The following LAMA5 variants were observed in gnomAD, a reference collection of about 807,000 sequenced individuals.
LAMA5 encodes laminin subunit alpha-5.
Under a neutral mutation model 433.4 loss-of-function variants are expected in LAMA5, and 260 were observed. The observed-to-expected ratio is 0.60, with a 90% CI of 0.54 to 0.66. LAMA5 has a LOEUF of 0.66. LAMA5 is among the 30% of genes least tolerant of loss of function. The probability of loss-of-function intolerance (pLI) is 0.00; values close to 1 mark genes in which losing one functional copy is unlikely to be tolerated. For missense variants in LAMA5, 5,378 were observed against 5,258.5 expected (o/e 1.02, Z -0.70); for synonymous variants, 2,620 against 2,226.6 (o/e 1.18, Z -4.97).
chr20:62,349,214 T>C (rs1449860370), intron 6 of LAMA5, among the ~76,000 whole-genome samples: 1 of 130,590 alleles, frequency 7.7e-6, no homozygotes, highest in Non-Finnish European at 1.5e-5. Flanking sequence ...GAGCTTGCAG[T>C]GAGCCGAGAT....
chr20:62,357,514 C>T lies in LAMA5; in HGVS notation c.451-4263G>A, dbSNP rs924464865. Among the ~76,000 whole-genome samples the T allele has an allele frequency of 3.9e-5, 6 of 152,276 alleles. No individual in the cohort carries two copies. The East Asian group carries it at 7.7e-4, about 20-fold the overall frequency. ...CCCACAGCAGGGGCGGGGCGGCAGC[C>T]GGGAGCATCTCCACTGGCCCCCAGC... On this transcript the variant is annotated intron_variant, in intron 2 of 79. Transcript: ENST00000252999.
intron 1 of LAMA5, among the ~76,000 whole-genome samples, chr20:62,363,173 G>A (rs1260098593): frequency 6.6e-6 from 1 of 152,166 alleles, no homozygotes; most frequent in Non-Finnish European, 1.5e-5. Flanking sequence ...ACAGCCTTCT[G>A]GATTAGGGTC....
At chr20:62,335,841 C>T (rs537271535) in intron 18 of LAMA5, among the ~76,000 whole-genome samples, 153 of 134,012 alleles carry the variant, frequency 1.1e-3, no homozygotes, top group Non-Finnish European at 2.0e-3. Flanking sequence ...CCCTCATGGA[C>T]TCCAGTACCC....
In LAMA5 at chr20:62,325,540, A is replaced by C. The variant is rs1406988298; in HGVS notation, c.5305T>G (p.Phe1769Val). 6.2e-7 allele frequency: 1 copy of C among 1,605,916 alleles called. No homozygotes were observed. Among genetic ancestry groups the C allele is most frequent in the Non-Finnish European group, 8.5e-7 (1 of 1,175,414 alleles). The change falls in exon 41 of 80, where the codon TTC (phenylalanine) becomes GTC (valine). Residue 1769 changes from phenylalanine to valine, a missense_variant. Physicochemically the swap from Phe to Val is conservative, Grantham distance 50. Transcript: ENST00000252999. ...GTGTTGCGCGTCTCCGTATGCCGGA[A>C]GTTCCCCTGTGGGTCCAGGATGGCA... Reference protein sequence around the residue: ...RGQLQLVEGNFRHTETRNTVS... With the variant: ...RGQLQLVEGNVRHTETRNTVS...
Position 62,353,168 on chromosome 20 carries a change from G to A in LAMA5, c.534C>T (p.Phe178=), listed in dbSNP as rs367906041. The A allele has an allele frequency of 7.7e-5, 121 of 1,580,164 alleles. No homozygotes were observed. The highest frequency in any genetic ancestry group is 1.0e-4 in the Non-Finnish European group (116 of 1,163,822). Residue 178 remains phenylalanine (F), a synonymous_variant, in exon 3 of 80, where the codon TTC becomes TTT. Coordinates refer to ENST00000252999, the MANE Select transcript of LAMA5 (RefSeq NM_005560.6). ...DLWVLERSMD[F]GRTYQPWQFF... is the part of the protein sequence containing the mutation. ...ACTGCCAGGGCTGGTAGGTGCGGCC[G>A]AAGTCCATGGACCGCTCCAGCACCC...
intron 2 of LAMA5, among the ~76,000 whole-genome samples, chr20:62,355,715 A>AC (rs1985102729): frequency 6.6e-6 from 1 of 151,728 alleles, no homozygotes; most frequent in Non-Finnish European, 1.5e-5. Context: ...TCAGGGACAG[A>AC]CCCTATACCC....
intron 31 of LAMA5, 43 bp from the exon 32 acceptor site, chr20:62,329,959 G>GC: frequency 6.3e-7 from 1 of 1,597,230 alleles, no homozygotes; most frequent in Non-Finnish European, 8.5e-7. Flanking sequence ...CATCTCTAGC[G>GC]CCCCCAAGAC....
chr20:62,345,944 A>G, intron 10 of LAMA5, 67 bp from the exon 11 acceptor site: 1 of 1,559,582 alleles, frequency 6.4e-7, no homozygotes, highest in Non-Finnish European at 8.7e-7. Context: ...ACCCCCTGCC[A>G]CCCTTGGTCT....
chr20:62,329,415 G>A (rs918984516), intron 32 of LAMA5, among the ~76,000 whole-genome samples, 162 bp from the exon 33 acceptor site: 2 of 152,182 alleles, frequency 1.3e-5, no homozygotes, highest in Admixed American at 1.3e-4. Flanking sequence ...CTCAGGGGAG[G>A]CCACTCCAAG....
chr20:62,323,955 G>T (rs944001610), intron 43 of LAMA5, 99 bp from the exon 44 acceptor site: 9 of 1,432,122 alleles, frequency 6.3e-6, no homozygotes, highest in African/African-American at 5.7e-5. Context: ...GGCGTCGGGG[G>T]CCCAGACCTC....
At chr20:62,319,642 C>T (rs916101458) in intron 51 of LAMA5, 42 bp downstream of exon 51, 3 of 1,433,810 alleles carry the variant, frequency 2.1e-6, no homozygotes, top group Admixed American at 4.0e-5. Context: ...CCAGGCAGCC[C>T]TCCTGGCTCT....
In LAMA5 at chr20:62,346,816, C is replaced by A. The variant is rs749702633; in HGVS notation, c.1073-16G>T. The stretch of plus-strand genomic sequence containing the variant: ...CAGTTACAGGCTAGAGAGAGGGGAG[C>A]GCAGCTGTTGGCACGCCCTCCACAG... On this transcript the variant is annotated splice_polypyrimidine_tract_variant and intron_variant, in intron 7 of 79. Transcript: ENST00000252999. 1.2e-6 allele frequency: 2 copies of A among 1,609,040 alleles called. No homozygotes were observed. The highest frequency in any genetic ancestry group is 2.2e-5 in the South Asian group (2 of 90,924).
At chr20:62,320,467 C>G in intron 50 of LAMA5, 92 bp downstream of exon 50, 1 of 941,278 alleles carries the variant, frequency 1.1e-6, no homozygotes, top group Non-Finnish European at 1.6e-6. Flanking sequence ...ATGTACGAGG[C>G]ATGAAGTAAC....
rs747595601 is a variant in LAMA5 at position 62,311,283 on chromosome 20, C to T, written c.9967G>A (p.Ala3323Thr). The change falls in exon 73 of 80, where the codon GCC becomes ACC. Residue 3323 changes from alanine to threonine, a missense_variant. By Grantham distance (58) the Ala-to-Thr change is moderately conservative. Transcript: ENST00000252999. Reference protein sequence around the residue: ...RKASRRSRQPARHPACMLPPH... With the variant: ...RKASRRSRQPTRHPACMLPPH... ...GGCAGCATGCAGGCAGGATGCCGGG[C>T]GGGCTGACGGCTGCGGCGGGAGGCC... 2.0e-5 allele frequency: 32 copies of T among 1,594,164 alleles called. 1 individual carries two copies. The highest frequency in any genetic ancestry group is 1.3e-4 in the East Asian group (6 of 44,688).
At chr20:62,366,512 G>A (rs1601446073) in intron 1 of LAMA5, among the ~76,000 whole-genome samples, 1 of 152,230 alleles carries the variant, frequency 6.6e-6, no homozygotes, top group African/African-American at 2.4e-5. Context: ...GGGAGCCTCA[G>A]GTGGCTGGCC....
chr20:62,340,620 C>T (rs996390531), intron 11 of LAMA5, among the ~76,000 whole-genome samples: 5 of 152,024 alleles, frequency 3.3e-5, no homozygotes, highest in African/African-American at 9.7e-5. Flanking sequence ...CACAAGTCTG[C>T]TTTAACATGC....
In LAMA5 at chr20:62,309,432, G is replaced by A; in HGVS notation, c.10992C>T (p.Cys3664=). 6.3e-7 allele frequency: 1 copy of A among 1,584,736 alleles called. No homozygotes were observed. The highest frequency in any genetic ancestry group is 8.5e-7 in the Non-Finnish European group (1 of 1,174,390). ...VQPWPPAYCG[C]MRRLAVNRSP... ...ACCGGTTCACCGCCAGCCTCCTCAT[G>A]CAGCCGCAGTAGGCGGGGGGCCAGG... Residue 3664 remains cysteine (C), a synonymous_variant, in exon 80 of 80, where the codon TGC becomes TGT. Coordinates refer to ENST00000252999, the MANE Select transcript of LAMA5 (RefSeq NM_005560.6).
chr20:62,317,109 GT>G, intron 55 of LAMA5, 86 bp from the exon 56 acceptor site: 2 of 1,409,428 alleles, frequency 1.4e-6, no homozygotes, highest in Non-Finnish European at 1.9e-6. Context: ...ACAACCAGCC[GT>G]GCCCGTGCCT....
At chr20:62,350,179 C>T (rs1038643838) in intron 6 of LAMA5, among the ~76,000 whole-genome samples, 6 of 151,934 alleles carry the variant, frequency 3.9e-5, no homozygotes, top group Non-Finnish European at 8.8e-5. Context: ...CCCCGGCTCC[C>T]GCGCCCTTCC....
Sources: gnomAD v4.1 joint callset for allele counts (sites outside exome capture counted in the v4.1 genomes callset) on GRCh38, gnomAD v4.1.1 for gene constraint, MANE v1.5 for transcripts, NCBI Gene and HGNC (gene_info 2026-07-23, HGNC 2026-07-21) for gene names.